The following KANK2 variants were observed in gnomAD, a reference collection of about 807,000 sequenced individuals.
KANK2 encodes the protein KN motif and ankyrin repeat domains 2.
Under a neutral mutation model 74.6 loss-of-function variants are expected in KANK2, and 41 were observed. The ratio of observed to expected loss-of-function variants is 0.55; its 90% confidence interval spans 0.43 to 0.71. The LOEUF is 0.71. KANK2 is among the 30% of genes least tolerant of loss of function. KANK2 has a pLI of 0.00. For missense variants in KANK2, 1,148 were observed against 1,196.4 expected, an observed-to-expected ratio of 0.96 and a Z score of 0.60; for synonymous variants, 537 against 519.0, an observed-to-expected ratio of 1.03 and a Z score of -0.47.
intron 4 of KANK2, among the ~76,000 whole-genome samples, chr19:11,187,978 G>T (rs1339245867): frequency 1.3e-5 from 2 of 151,974 alleles, no homozygotes; most frequent in Non-Finnish European, 2.9e-5. Context: ...AAATAAAGTG[G>T]GGAGGAAAAA....
At chr19:11,197,667 G>T (rs1259736901), upstream of KANK2, 2 of 151,926 alleles carry the variant, frequency 1.3e-5, no homozygotes, top group African/African-American at 2.4e-5. Flanking sequence ...CGCGGTGGGG[G>T]GTGGGGATGG....
At chr19:11,177,262 T>C (rs2078371797) in intron 6 of KANK2, among the ~76,000 whole-genome samples, 1 of 152,104 alleles carries the variant, frequency 6.6e-6, no homozygotes, top group African/African-American at 2.4e-5. Flanking sequence ...AATTTTTGTA[T>C]TTTTTAGTAG....
In KANK2 at chr19:11,174,714, G is replaced by A. The variant is rs440677; in HGVS notation, c.1849-22C>T. The stretch of plus-strand genomic sequence containing the variant: ...CTTTCTGCATGCGAGTCAGGTGGGA[G>A]AGGATGTGAGGGCGGGGGAGGCCCA... On this transcript the variant is annotated intron_variant, in intron 8 of 12. Coordinates refer to ENST00000586659, the MANE Select transcript of KANK2 (RefSeq NM_001136191.3). 935,806 of 1,564,500 alleles carry A rather than the reference G, an allele frequency of 0.6. 282,720 individuals are homozygous for A. Among genetic ancestry groups the A allele is most frequent in the Admixed American group, 0.65 (35,292 of 54,684 alleles).
chr19:11,184,151 C>T (rs558341784), intron 4 of KANK2, among the ~76,000 whole-genome samples: 3 of 152,086 alleles, frequency 2.0e-5, no homozygotes, highest in East Asian at 3.9e-4. Context: ...CCAAGGTGGG[C>T]GGATCACTTG....
intron 8 of KANK2, 101 bp from the exon 9 acceptor site, chr19:11,174,793 T>A: frequency 1.1e-6 from 1 of 932,376 alleles, no homozygotes; most frequent in Non-Finnish European, 1.7e-6. Context: ...GGTGCCCTTG[T>A]CCTGGAAAAC....
intron 4 of KANK2, among the ~76,000 whole-genome samples, chr19:11,186,383 G>A (rs111242631): frequency 0.23 from 33,603 of 149,164 alleles, 4,133 homozygotes; most frequent in South Asian, 0.43. Flanking sequence ...GCAAGACTCT[G>A]TCTCAACAAA....
At chr19:11,181,637 A>G (rs748426224) in intron 4 of KANK2, among the ~76,000 whole-genome samples, 1 of 147,692 alleles carries the variant, frequency 6.8e-6, no homozygotes. Context: ...TAATGGGGAC[A>G]GTTTCAGTTT....
At chr19:11,192,063 A>AT (rs1165610414) in intron 4 of KANK2, among the ~76,000 whole-genome samples, 1 of 152,208 alleles carries the variant, frequency 6.6e-6, no homozygotes, top group East Asian at 1.9e-4. Flanking sequence ...CTATCTCTTA[A>AT]TAACGACAAC....
chr19:11,194,180 A>G (rs1763404373), intron 3 of KANK2, 138 bp from the exon 4 acceptor site: 2 of 913,346 alleles, frequency 2.2e-6, no homozygotes, highest in Admixed American at 5.8e-5. Flanking sequence ...GTCTGCTCTC[A>G]GACCCTCCAG....
At position 11,170,051 on chromosome 19, in the gene KANK2, A is replaced by G; in HGVS notation, c.2409T>C (p.Asp803=). 1 of 1,613,278 alleles carries G rather than the reference A, an allele frequency of 6.2e-7. No individual in the cohort carries two copies. The highest frequency in any genetic ancestry group is 8.5e-7 in the Non-Finnish European group (1 of 1,179,314). ...GTGCACCTGGTTGGAGACTCACGCG[A>G]TCTGTGAGTGAGATGTCACAGCTGG... is the stretch of plus-strand genomic sequence containing the variant. ...AVPSCDISLT[D]RDGSTALMVA... is the part of the protein sequence containing the mutation. The change falls in exon 11 of 13, where the codon GAT becomes GAC. Residue 803 remains aspartate (D), a synonymous_variant. Coordinates refer to ENST00000586659, the MANE Select transcript of KANK2 (RefSeq NM_001136191.3). The surrounding 1 kb of genome is among the most constrained non-coding windows in gnomAD (Gnocchi z 5.2).
chr19:11,196,390 CTA>C (rs1471897905), intron 1 of KANK2: 1 of 152,316 alleles, frequency 6.6e-6, no homozygotes, highest in Non-Finnish European at 1.5e-5. Flanking sequence ...CATGACAATT[CTA>C]TGAGATGGGC....
Position 11,174,459 on chromosome 19 carries a change from CCCGCTGGGCTCA to C in KANK2, c.2068+2_2068+13del. The C allele has an allele frequency of 6.3e-7, 1 of 1,591,886 alleles. No individual in the cohort carries two copies. On this transcript the variant is annotated splice_donor_variant and splice_donor_5th_base_variant and intron_variant, in intron 9 of 12. Coordinates refer to ENST00000586659, the MANE Select transcript of KANK2 (RefSeq NM_001136191.3). LOFTEE classifies it high-confidence loss of function. ...GCTGGTTTAGAGCCGCCTCGTCCTCCCCGCTGGGCTCACCGCTGTCGAGCAGCTGCTGCACCA... is the reference window on the plus strand; with the variant it reads ...GCTGGTTTAGAGCCGCCTCGTCCTCCCCGCTGTCGAGCAGCTGCTGCACCA...
In KANK2 at chr19:11,175,930, T is replaced by C. The variant is rs764770882; in HGVS notation, c.1820A>G (p.Asn607Ser). Residue 607 changes from asparagine (N) to serine (S), a missense_variant, in exon 8 of 13, where the codon AAT becomes AGT. By Grantham distance (46) the Asn-to-Ser change is conservative (BLOSUM62 1). Coordinates refer to ENST00000586659, the MANE Select transcript of KANK2 (RefSeq NM_001136191.3). ...ACLALEKYLD[N>S]PNALTERELK... ...CTCCCGCTCTGTGAGGGCGTTGGGA[T>C]TGTCCAGGTACTTTTCCAGGGCCAA... 10 of 1,613,610 alleles carry C rather than the reference T, an allele frequency of 6.2e-6. No individual in the cohort carries two copies. In the South Asian group the frequency reaches 1.1e-4, roughly 18 times the overall value.
At chr19:11,172,927 A>T in intron 10 of KANK2, 54 bp downstream of exon 10, 1 of 1,584,682 alleles carries the variant, frequency 6.3e-7, no homozygotes, top group Non-Finnish European at 8.6e-7. Context: ...CTCAGCTGGG[A>T]TGTCATAAAG....
In KANK2 at chr19:11,179,697, A is replaced by C. The variant is rs751111633; in HGVS notation, c.1250-977T>G. On this transcript the variant is annotated intron_variant, in intron 4 of 12. Transcript: ENST00000586659. ...TAAAAAAACGAAACGAAACAAAAGAAAACAAAAGACAACAAAAAACACCCA... is the reference window on the plus strand; with the variant it reads ...TAAAAAAACGAAACGAAACAAAAGACAACAAAAGACAACAAAAAACACCCA... Among the ~76,000 whole-genome samples the C allele has an allele frequency of 7.0e-4, 106 of 152,094 alleles. 1 individual carries two copies. The highest frequency in any genetic ancestry group is 8.4e-4 in the Non-Finnish European group (57 of 68,004).
rs919408946 is a variant in KANK2 at position 11,193,452 on chromosome 19, G to A, written c.628C>T (p.Pro210Ser). The A allele has an allele frequency of 6.2e-6, 10 of 1,612,062 alleles. No homozygotes were observed. Among genetic ancestry groups the A allele is most frequent in the Admixed American group, 1.7e-5 (1 of 60,002 alleles). ...ACCGAGAGCTTCACCTGGAGCACAG[G>A]GATCAGCTTCACCTGCTCCTCCAGC... ...RQLEEQVKLIPVLQVKLSVLQ... is the reference protein window; with the variant it reads ...RQLEEQVKLISVLQVKLSVLQ... Residue 210 changes from proline (P) to serine (S), a missense_variant, in exon 4 of 13, where the codon CCT becomes TCT. Physicochemically the swap from Pro to Ser is moderately conservative, Grantham distance 74. Transcript: ENST00000586659. This position sits in a 1 kb window ranked among gnomAD's most constrained non-coding sequence, Gnocchi z 9.6.
chr19:11,191,735 G>A (rs1040956490), intron 4 of KANK2, among the ~76,000 whole-genome samples: 2 of 152,200 alleles, frequency 1.3e-5, no homozygotes, highest in Non-Finnish European at 2.9e-5. Context: ...AACAAGAAGA[G>A]AAAGGCACCA....
intron 1 of KANK2, chr19:11,197,123 G>C (rs2079043425): frequency 6.5e-6 from 1 of 152,720 alleles, no homozygotes; most frequent in Admixed American, 6.5e-5. Context: ...ACAGTGCGGG[G>C]AGAGGGCAGA....
chr19:11,181,088 C>CAA (rs752985367), intron 4 of KANK2, among the ~76,000 whole-genome samples: 292 of 23,866 alleles, frequency 0.012, 4 homozygotes, highest in Non-Finnish European at 0.016. Context: ...CTCTTGTCTC[C>CAA]AAAAAAAAAA....
Sources: allele counts gnomAD v4.1 joint callset (sites outside exome capture counted in the v4.1 genomes callset), GRCh38; gene constraint gnomAD v4.1.1; non-coding constraint Gnocchi (gnomAD v3.1); transcripts MANE v1.5; gene names NCBI Gene and HGNC (gene_info 2026-07-23, HGNC 2026-07-21).